ZNF248: variants seen among roughly 807,000 people sequenced by gnomAD.
ZNF248 encodes KRAB protein domain.
In ZNF248, 20 loss-of-function variants were observed where a neutral mutation model predicts 44.3. That is an observed-to-expected ratio of 0.45 (90% CI 0.32 to 0.66). The LOEUF is 0.66. Ranked by LOEUF, ZNF248 falls within the 30% of genes least tolerant of loss-of-function variation. The pLI is 0.04. For missense variants in ZNF248, 654 were observed against 677.0 expected, an observed-to-expected ratio of 0.97 and a Z score of 0.38; for synonymous variants, 224 against 229.0, an observed-to-expected ratio of 0.98 and a Z score of 0.20.
At chr10:37,853,083 A>T (rs556615093) in intron 3 of ZNF248, among the ~76,000 whole-genome samples, 10 of 152,138 alleles carry the variant, frequency 6.6e-5, no homozygotes, top group African/African-American at 2.4e-4. Context: ...TGACCTCGTG[A>T]TCTGCCCGCC....
At chr10:37,802,134 T>C (rs2049913849) in intron 6 of ZNF248, among the ~76,000 whole-genome samples, 1 of 152,254 alleles carries the variant, frequency 6.6e-6, no homozygotes, top group African/African-American at 2.4e-5. Context: ...TTCTGTTTTT[T>C]CTATTTTAAT....
intron 3 of ZNF248, among the ~76,000 whole-genome samples, chr10:37,849,696 A>AT (rs2059911938): frequency 6.6e-6 from 1 of 151,890 alleles, no homozygotes; most frequent in Non-Finnish European, 1.5e-5. Context: ...AAAAAAAAAA[A>AT]TTTTTCAAAG....
At chr10:37,818,431 C>T (rs1344420517) in intron 6 of ZNF248, among the ~76,000 whole-genome samples, 1 of 152,138 alleles carries the variant, frequency 6.6e-6, no homozygotes, top group Non-Finnish European at 1.5e-5. Flanking sequence ...CATGGTTTCT[C>T]CTTAAAGAGA....
downstream of ZNF248, chr10:37,776,404 G>A: frequency 5.2e-6 from 2 of 387,362 alleles, no homozygotes; most frequent in Non-Finnish European, 9.1e-6. Context: ...ATTACTTCAG[G>A]CTGTGCAAAC....
the ZNF248 span, among the ~76,000 whole-genome samples, chr10:37,766,175 G>A: frequency 6.6e-6 from 1 of 152,208 alleles, no homozygotes; most frequent in African/African-American, 2.4e-5. Context: ...GGCTCCACCT[G>A]TGGGGGCAGG....
chr10:37,764,081 C>A, the ZNF248 span, among the ~76,000 whole-genome samples: 310 of 152,306 alleles, frequency 2.0e-3, 1 homozygote, highest in South Asian at 0.016. Context: ...TCCCTGAGAG[C>A]CAGGCGGAAC....
At chr10:37,765,289 G>C in the ZNF248 span, among the ~76,000 whole-genome samples, 1 of 152,260 alleles carries the variant, frequency 6.6e-6, no homozygotes, top group African/African-American at 2.4e-5. Flanking sequence ...AATTCCTTGA[G>C]CTGTTTAGGG....
intron 3 of ZNF248, among the ~76,000 whole-genome samples, chr10:37,843,665 C>T (rs2058760114): frequency 6.6e-6 from 1 of 151,884 alleles, no homozygotes; most frequent in Admixed American, 6.6e-5. Context: ...TCAAAAATGA[C>T]AAATAACTAA....
chr10:37,764,065 T>C, the ZNF248 span, among the ~76,000 whole-genome samples: 2 of 152,208 alleles, frequency 1.3e-5, no homozygotes, highest in South Asian at 2.1e-4. Context: ...AACCATTAGG[T>C]CTGGCTCCCT....
chr10:37,855,163 A>T (rs891308237), intron 3 of ZNF248, among the ~76,000 whole-genome samples: 3 of 152,220 alleles, frequency 2.0e-5, no homozygotes, highest in African/African-American at 7.2e-5. Flanking sequence ...GAAAAAAAAT[A>T]GACATCTTTG....
intron 6 of ZNF248, among the ~76,000 whole-genome samples, chr10:37,801,509 G>T (rs2049827605): frequency 6.6e-6 from 1 of 151,856 alleles, no homozygotes; most frequent in Non-Finnish European, 1.5e-5. Flanking sequence ...AAATGCAAGA[G>T]AAAAACTTGG....
chr10:37,790,749 T>A (rs1050194844), intron 6 of ZNF248, among the ~76,000 whole-genome samples: 9 of 148,792 alleles, frequency 6.0e-5, no homozygotes, highest in African/African-American at 2.0e-4. Flanking sequence ...TTTAAAAAAA[T>A]AAAAATAAAA....
intron 3 of ZNF248, 95 bp downstream of exon 3, chr10:37,856,201 C>T: frequency 1.4e-6 from 2 of 1,403,414 alleles, no homozygotes; most frequent in South Asian, 1.4e-5. Context: ...TCAATTTTTG[C>T]CTATTTCTAT....
the ZNF248 span, among the ~76,000 whole-genome samples, chr10:37,765,358 T>C: frequency 6.6e-6 from 1 of 152,208 alleles, no homozygotes; most frequent in African/African-American, 2.4e-5. Context: ...TCCAAAGTAT[T>C]TGATGACTCA....
intron 3 of ZNF248, among the ~76,000 whole-genome samples, chr10:37,844,874 G>C (rs1390503084): frequency 6.9e-6 from 1 of 145,166 alleles, no homozygotes; most frequent in Non-Finnish European, 1.5e-5. Flanking sequence ...TCTTAGAAAC[G>C]ACTTTAACTA....
At chr10:37,852,041 A>G (rs2060349895) in intron 3 of ZNF248, among the ~76,000 whole-genome samples, 1 of 152,058 alleles carries the variant, frequency 6.6e-6, no homozygotes, top group Non-Finnish European at 1.5e-5. Flanking sequence ...TGAGGTTGGG[A>G]GTTTGAGACC....
intron 6 of ZNF248, among the ~76,000 whole-genome samples, chr10:37,801,238 T>G (rs1216519287): frequency 6.6e-6 from 1 of 151,874 alleles, no homozygotes; most frequent in Admixed American, 6.6e-5. Context: ...TAGCTGGACG[T>G]GGTGGCATGC....
chr10:37,820,755 T>A, intron 6 of ZNF248: 1 of 1,297,664 alleles, frequency 7.7e-7, no homozygotes, highest in Non-Finnish European at 1.1e-6. Context: ...GACTCACTAT[T>A]AAGTGGTCCC....
chr10:37,784,847 GAAAAACA>G (rs2047699415), intron 6 of ZNF248, among the ~76,000 whole-genome samples: 2 of 151,996 alleles, frequency 1.3e-5, no homozygotes, highest in African/African-American at 4.8e-5. Context: ...GAGGTTGAGA[GAAAAACA>G]AAAAACAAAA....
Sources: allele counts gnomAD v4.1 joint callset (sites outside exome capture counted in the v4.1 genomes callset), GRCh38; gene constraint gnomAD v4.1.1; transcripts MANE v1.5; gene names NCBI Gene and HGNC (gene_info 2026-07-23, HGNC 2026-07-21).